The following UGT2B17 variants were observed in gnomAD, a reference collection of about 807,000 sequenced individuals.
UGT2B17 encodes UDP-glucuronosyltransferase 2B17.
UGT2B17 carries 21 observed loss-of-function variants against 48.2 expected under a neutral mutation model. The observed-to-expected ratio is 0.44, with a 90% confidence interval of 0.31 to 0.63. The LOEUF (loss-of-function observed/expected upper bound fraction) is 0.63, where lower values mean the gene tolerates loss of function less well. UGT2B17 is among the 20% of genes least tolerant of loss of function. UGT2B17 has a pLI of 0.08. For missense variants in UGT2B17, 402 were observed against 696.1 expected, an observed-to-expected ratio of 0.58 and a Z score of 4.75; for synonymous variants, 146 against 238.4, an observed-to-expected ratio of 0.61 and a Z score of 3.57.
chr4:68,558,067 C>A (rs1387664166), intron 4 of UGT2B17, among the ~76,000 whole-genome samples: 1 of 123,668 alleles, frequency 8.1e-6, no homozygotes, highest in Non-Finnish European at 1.7e-5. Context: ...AGACAAAGTT[C>A]CATCAAAGCC....
Position 68,549,008 on chromosome 4 carries a change from G to C in UGT2B17, c.1313+1669C>G, listed in dbSNP as rs1357413615. Reference sequence around the variant, plus strand: ...AGAATACCCTTTATTTCTTTTTCTTGCCTGATTGCCCTAGTTCACATTTAA... The same window carrying C: ...AGAATACCCTTTATTTCTTTTTCTTCCCTGATTGCCCTAGTTCACATTTAA... On this transcript the variant is annotated intron_variant, in intron 6 of 6. Transcript: ENST00000317746. Among the ~76,000 whole-genome samples, 2 of 123,546 alleles carry C rather than the reference G, an allele frequency of 1.6e-5. 1 individual carries two copies. Among genetic ancestry groups the C allele is most frequent in the Admixed American group, 1.7e-4 (2 of 11,914 alleles). 81.1% of individuals were successfully genotyped at this position (123,546 alleles called of 152,430 possible).
Position 68,554,874 on chromosome 4 carries a change from G to T in UGT2B17, c.1006-2963C>A, listed in dbSNP as rs551347619. ...ATTTGAAAGTCTAATATGGCAAAGAGGAGTTTTTATAAACCTGTAAGATGT... is the reference window on the plus strand; with the variant it reads ...ATTTGAAAGTCTAATATGGCAAAGATGAGTTTTTATAAACCTGTAAGATGT... On this transcript the variant is annotated intron_variant, in intron 4 of 6. Coordinates refer to ENST00000317746, the MANE Select transcript of UGT2B17 (RefSeq NM_001077.4). Among the ~76,000 whole-genome samples, 4 of 124,986 alleles carry T rather than the reference G, an allele frequency of 3.2e-5. 1 individual carries two copies. Among genetic ancestry groups the T allele is most frequent in the Non-Finnish European group, 6.8e-5 (4 of 59,162 alleles). The allele number at this position is 124,986 out of a possible 152,430, so 82.0% of individuals were successfully genotyped here.
At position 68,558,269 on chromosome 4, in the gene UGT2B17, C is replaced by A. The variant is rs1731039033; in HGVS notation, c.1005+2268G>T. ...GATTCTAGTCTTGCCTAATGTTTTT[C>A]AATTTTTATTACTGTCTACAGTTTG... On this transcript the variant is annotated intron_variant, in intron 4 of 6. Transcript: ENST00000317746. Among the ~76,000 whole-genome samples, 3 of 124,404 alleles carry A rather than the reference C, an allele frequency of 2.4e-5. 1 individual carries two copies. In the Admixed American group the frequency reaches 2.5e-4, roughly 10 times the overall value. 81.6% of individuals were successfully genotyped at this position (124,404 alleles called of 152,430 possible).
At chr4:68,542,095 T>C (rs1358925871) in intron 6 of UGT2B17, among the ~76,000 whole-genome samples, 1 of 125,386 alleles carries the variant, frequency 8.0e-6, no homozygotes, top group Non-Finnish European at 1.7e-5. Context: ...GGCTAACCAG[T>C]TTTTCCAAAA....
At chr4:68,564,296 T>TATATATATATATATATA (rs1226939611) in intron 3 of UGT2B17, among the ~76,000 whole-genome samples, 1 of 93,840 alleles carries the variant, frequency 1.1e-5, no homozygotes, top group African/African-American at 5.8e-5. Flanking sequence ...ATATATATAT[T>TATATATATATATATATA]TTTTTTTTTT....
rs1730776803 is a variant in UGT2B17 at position 68,545,291 on chromosome 4, C to T, written c.1313+5386G>A. ...AAACTCACTCAAAACTGTTCAACTA[C>T]ATGGAAACTGAACAACCTGCTTCTG... On this transcript the variant is annotated intron_variant, in intron 6 of 6. Coordinates refer to ENST00000317746, the MANE Select transcript of UGT2B17 (RefSeq NM_001077.4). Among the ~76,000 whole-genome samples, 3 of 126,544 alleles carry T rather than the reference C, an allele frequency of 2.4e-5. No individual in the cohort carries two copies. The South Asian group carries it at 1.1e-3, about 47-fold the overall frequency. 83.0% of individuals were successfully genotyped at this position (126,544 alleles called of 152,430 possible).
In UGT2B17 at chr4:68,568,471, C is replaced by A. The variant is rs1201464607; in HGVS notation, c.14G>T (p.Trp5Leu). 5.2e-6 allele frequency: 7 copies of A among 1,353,478 alleles called. 1 individual carries two copies. Among genetic ancestry groups the A allele is most frequent in the Non-Finnish European group, 5.7e-6 (6 of 1,047,500 alleles). 83.8% of individuals were successfully genotyped at this position (1,353,478 alleles called of 1,614,324 possible). The change falls in exon 2 of 7, where the codon TGG becomes TTG. Residue 5 changes from tryptophan (W) to leucine (L), a missense_variant. Coordinates refer to ENST00000317746, the MANE Select transcript of UGT2B17 (RefSeq NM_001077.4). MSLK[W>L]MSVFLLMQLS... ...CTGCATCAGCAGAAAGACTGACATC[C>A]ATTTCAGAGACATCCTGGTCTTATG...
intron 4 of UGT2B17, among the ~76,000 whole-genome samples, chr4:68,554,609 C>T (rs1730970685): frequency 8.0e-6 from 1 of 124,578 alleles, no homozygotes. Flanking sequence ...TAAGTGTTTG[C>T]ATATATTTAA....
intron 6 of UGT2B17, among the ~76,000 whole-genome samples, chr4:68,544,421 C>T (rs536783490): frequency 3.2e-5 from 4 of 125,514 alleles, no homozygotes; most frequent in African/African-American, 1.1e-4. Flanking sequence ...ACCAGGCCTG[C>T]CCTAAAAGAG....
intron 4 of UGT2B17, among the ~76,000 whole-genome samples, chr4:68,557,858 A>T (rs1731030234): frequency 8.0e-6 from 1 of 124,336 alleles, no homozygotes; most frequent in South Asian, 3.8e-4. Flanking sequence ...CTGGCCTCAT[A>T]CCTTCATCTA....
chr4:68,542,452 C>T (rs1483165810), intron 6 of UGT2B17, among the ~76,000 whole-genome samples: 1 of 126,032 alleles, frequency 7.9e-6, no homozygotes, highest in Non-Finnish European at 1.7e-5. Flanking sequence ...ATATAAATTA[C>T]TGTGGGAAGA....
At position 68,553,073 on chromosome 4, in the gene UGT2B17, G is replaced by C. The variant is rs1321019373; in HGVS notation, c.1006-1162C>G. Among the ~76,000 whole-genome samples, 12 of 125,190 alleles carry C rather than the reference G, an allele frequency of 9.6e-5. 3 individuals are homozygous for C. The highest frequency in any genetic ancestry group is 1.9e-4 in the Non-Finnish European group (11 of 59,336). 82.1% of individuals were successfully genotyped at this position (125,190 alleles called of 152,430 possible). On this transcript the variant is annotated intron_variant, in intron 4 of 6. Coordinates refer to ENST00000317746, the MANE Select transcript of UGT2B17 (RefSeq NM_001077.4). ...TGTCTTGGTTAATGTTTAACAACTA[G>C]CTGGACTTAATTTCTCCTTACCATT... is the stretch of plus-strand genomic sequence containing the variant.
intron 3 of UGT2B17, among the ~76,000 whole-genome samples, chr4:68,561,156 A>T (rs1489875781): frequency 8.1e-6 from 1 of 123,428 alleles, no homozygotes; most frequent in Non-Finnish European, 1.7e-5. Context: ...ACTATGAGCA[A>T]TGAGGAAAAG....
rs370553967 is a variant in UGT2B17, at chr4:68,568,326, C to G, written c.159G>C (p.Val53=). The G allele has an allele frequency of 4.6e-5, 63 of 1,378,856 alleles. 12 individuals carry two copies. Among genetic ancestry groups the G allele is most frequent in the Non-Finnish European group, 5.5e-5 (58 of 1,054,902 alleles). 85.4% of individuals were successfully genotyped at this position (1,378,856 alleles called of 1,614,324 possible). Reference sequence around the variant, plus strand: ...TAGAAGCCGAAGATGTCAACACAATCACCTCATGACCCCTCTGAACAAGCT... The same window carrying G: ...TAGAAGCCGAAGATGTCAACACAATGACCTCATGACCCCTCTGAACAAGCT... The part of the protein sequence containing the change: ...LEELVQRGHE[V]IVLTSSASIL... The change falls in exon 2 of 7, where the codon GTG becomes GTC. Residue 53 remains valine (V), a synonymous_variant. Coordinates refer to ENST00000317746, the MANE Select transcript of UGT2B17 (RefSeq NM_001077.4).
rs762710938 is a variant in UGT2B17 at position 68,537,599 on chromosome 4, C to T, written c.*26G>A. 7.6e-7 allele frequency: 1 copy of T among 1,316,682 alleles called. No homozygotes were observed. Among genetic ancestry groups the T allele is most frequent in the Non-Finnish European group, 9.8e-7 (1 of 1,020,044 alleles). The allele number at this position is 1,316,682 out of a possible 1,614,324, so 81.6% of individuals were successfully genotyped here. On this transcript the variant is annotated 3_prime_UTR_variant, in exon 7 of 7. Transcript: ENST00000317746. The stretch of plus-strand genomic sequence containing the variant: ...TAAAGGAGGAGTCCCATCTTTTGGT[C>T]ATTCCACTTCAGGCTTTTGATATAA...
rs1232003668 is a variant in UGT2B17, at chr4:68,553,408, T to C, written c.1006-1497A>G. ...TTTGCCATTTGTAGTACCAAAAATC[T>C]AGAGAAGGCTTCTAATGATTTGAAC... On this transcript the variant is annotated intron_variant, in intron 4 of 6. Transcript: ENST00000317746. Among the ~76,000 whole-genome samples the C allele has an allele frequency of 1.6e-5, 2 of 127,086 alleles. 1 individual carries two copies. Among genetic ancestry groups the C allele is most frequent in the Non-Finnish European group, 3.3e-5 (2 of 59,744 alleles). 83.4% of individuals were successfully genotyped at this position (127,086 alleles called of 152,430 possible).
rs1406251081 is a variant in UGT2B17, at chr4:68,565,864, T to A, written c.725-144A>T. 6 of 471,994 alleles carry A rather than the reference T, an allele frequency of 1.3e-5. 1 individual carries two copies. Among genetic ancestry groups the A allele is most frequent in the African/African-American group, 2.3e-5 (1 of 44,368 alleles). The allele number at this position is 471,994 out of a possible 1,614,324, so 29.2% of individuals were successfully genotyped here. ...AATGTCTGCACATTGATAATATATATAAATACATTTATATAATATAATACA... is the reference window on the plus strand; with the variant it reads ...AATGTCTGCACATTGATAATATATAAAAATACATTTATATAATATAATACA... On this transcript the variant is annotated intron_variant, in intron 2 of 6. Coordinates refer to ENST00000317746, the MANE Select transcript of UGT2B17 (RefSeq NM_001077.4).
In UGT2B17 at chr4:68,543,890, T is replaced by G. The variant is rs1212149676; in HGVS notation, c.1314-5986A>C. Among the ~76,000 whole-genome samples the G allele has an allele frequency of 2.4e-5, 3 of 124,892 alleles. 1 individual carries two copies. The highest frequency in any genetic ancestry group is 8.2e-5 in the African/African-American group (3 of 36,472). 81.9% of individuals were successfully genotyped at this position (124,892 alleles called of 152,430 possible). ...GAAGAGAAGTTTAGACAAAAAAGAA[T>G]AAAAAGAAATGAACAAAGCCTCCAA... On this transcript the variant is annotated intron_variant, in intron 6 of 6. Transcript: ENST00000317746.
chr4:68,555,757 TA>T lies in UGT2B17; in HGVS notation c.1006-3847del, dbSNP rs1183917580. 4.9e-5 allele frequency among the ~76,000 whole-genome samples: 6 copies of T among 123,098 alleles called. 3 individuals are homozygous for T. The highest frequency in any genetic ancestry group is 6.9e-5 in the Non-Finnish European group (4 of 58,300). 80.8% of individuals were successfully genotyped at this position (123,098 alleles called of 152,430 possible). On this transcript the variant is annotated intron_variant, in intron 4 of 6. Transcript: ENST00000317746. ...AGATATTTCATTGTTTGGGTATTTTTAAAAAAAAATTTGTAGGAAAACATTC... is the reference window on the plus strand; with the variant it reads ...AGATATTTCATTGTTTGGGTATTTTTAAAAAAAATTTGTAGGAAAACATTC...
Sources: allele counts gnomAD v4.1 joint callset (sites outside exome capture counted in the v4.1 genomes callset), GRCh38; gene constraint gnomAD v4.1.1; transcripts MANE v1.5; gene names NCBI Gene and HGNC (gene_info 2026-07-23, HGNC 2026-07-21).